Variants in COX7B2 observed in about 807,000 individuals in gnomAD.
The protein encoded by COX7B2 is cytochrome c oxidase subunit 7B2.
For missense variants in COX7B2, 109 were observed against 95.9 expected (o/e 1.14, Z -0.57); for synonymous variants, 37 against 32.1 (o/e 1.15, Z -0.51).
chr4:46,811,471 G>A (rs184305417), intron 2 of COX7B2, among the ~76,000 whole-genome samples: 3 of 151,726 alleles, frequency 2.0e-5, no homozygotes, highest in African/African-American at 7.2e-5. Context: ...GAATTATTTA[G>A]CTCCAAGAAT....
intron 2 of COX7B2, among the ~76,000 whole-genome samples, chr4:46,771,359 T>C (rs985743312): frequency 1.3e-5 from 2 of 151,996 alleles, no homozygotes; most frequent in African/African-American, 2.4e-5. Flanking sequence ...TTGGGCATGG[T>C]TGGTGGACAT....
At chr4:46,842,991 T>C (rs1294828474) in intron 2 of COX7B2, among the ~76,000 whole-genome samples, 2 of 152,102 alleles carry the variant, frequency 1.3e-5, no homozygotes, top group African/African-American at 4.8e-5. Flanking sequence ...ATTTCCACAA[T>C]GGTTGAACTA....
intron 1 of COX7B2, among the ~76,000 whole-genome samples, chr4:46,852,318 T>C (rs1251333354): frequency 2.6e-5 from 4 of 152,096 alleles, no homozygotes; most frequent in African/African-American, 4.8e-5. Context: ...CAAACCACTT[T>C]TTTCTTTTCT....
intron 2 of COX7B2, among the ~76,000 whole-genome samples, chr4:46,758,266 A>T (rs1045559153): frequency 1.4e-5 from 1 of 69,038 alleles, no homozygotes; most frequent in African/African-American, 4.6e-5. Flanking sequence ...CTTTCTAATG[A>T]GGTATAGAGC....
intron 2 of COX7B2, among the ~76,000 whole-genome samples, chr4:46,790,666 T>A (rs1717993205): frequency 6.6e-6 from 1 of 152,170 alleles, no homozygotes; most frequent in Non-Finnish European, 1.5e-5. Context: ...TGGGTCCCCA[T>A]ATCCACCTGG....
At chr4:46,884,925 A>G (rs1213962147) in intron 1 of COX7B2, among the ~76,000 whole-genome samples, 2 of 151,254 alleles carry the variant, frequency 1.3e-5, no homozygotes, top group Non-Finnish European at 2.9e-5. Flanking sequence ...TGGGGACTGT[A>G]ATATTTTTGT....
At chr4:46,881,068 C>T (rs1303538010) in intron 1 of COX7B2, among the ~76,000 whole-genome samples, 4 of 147,244 alleles carry the variant, frequency 2.7e-5, no homozygotes, top group Non-Finnish European at 6.0e-5. Context: ...TTCTTCAATT[C>T]AGCTCTAATT....
intron 2 of COX7B2, among the ~76,000 whole-genome samples, chr4:46,832,153 C>G (rs537895798): frequency 1.3e-5 from 2 of 152,102 alleles, no homozygotes; most frequent in African/African-American, 4.8e-5. Flanking sequence ...TTTGTTCTTT[C>G]GCTCTTTGCT....
intron 2 of COX7B2, among the ~76,000 whole-genome samples, chr4:46,818,348 T>C (rs1040913916): frequency 5.3e-5 from 8 of 152,108 alleles, no homozygotes; most frequent in African/African-American, 9.7e-5. Context: ...AACAGACTAC[T>C]GGAAGCCGGG....
chr4:46,823,128 A>G (rs1714420641), intron 2 of COX7B2, among the ~76,000 whole-genome samples: 1 of 152,122 alleles, frequency 6.6e-6, no homozygotes, highest in African/African-American at 2.4e-5. Context: ...CCACCACAAG[A>G]TAACTAGGAA....
chr4:46,800,729 G>A (rs375217923), intron 2 of COX7B2, among the ~76,000 whole-genome samples: 3 of 152,022 alleles, frequency 2.0e-5, no homozygotes, highest in African/African-American at 7.3e-5. Context: ...AAAAGCAATT[G>A]CAACAAAAAT....
At position 46,792,889 on chromosome 4, in the gene COX7B2, C is replaced by T. The variant is rs115562575; in HGVS notation, c.-50+52071G>A. The stretch of plus-strand genomic sequence containing the variant: ...AATGGCTCTATTTCCAGTAATAGAG[C>T]ACTGACAGTCCATGGCATAATCTGG... On this transcript the variant is annotated intron_variant, in intron 2 of 2. Transcript: ENST00000355591. Among the ~76,000 whole-genome samples the T allele has an allele frequency of 8.1e-3, 1,233 of 152,234 alleles. 7 individuals are homozygous for T. The highest frequency in any genetic ancestry group is 0.013 in the Non-Finnish European group (883 of 68,026).
intron 2 of COX7B2, among the ~76,000 whole-genome samples, chr4:46,797,279 A>G (rs1244724932): frequency 1.3e-5 from 2 of 151,992 alleles, no homozygotes; most frequent in African/African-American, 2.4e-5. Flanking sequence ...TTTGGGAACT[A>G]CTGGACCCTG....
chr4:46,797,063 G>GCAC (rs1366046506), intron 2 of COX7B2, among the ~76,000 whole-genome samples: 1 of 89,278 alleles, frequency 1.1e-5, no homozygotes, highest in Non-Finnish European at 1.9e-5. Flanking sequence ...TGCACAATGT[G>GCAC]CACATGTACC....
chr4:46,759,634 A>G (rs1716011450), intron 2 of COX7B2, among the ~76,000 whole-genome samples: 1 of 152,060 alleles, frequency 6.6e-6, no homozygotes, highest in Non-Finnish European at 1.5e-5. Context: ...TGCAAATCAA[A>G]ACCACAATGA....
intron 1 of COX7B2, among the ~76,000 whole-genome samples, chr4:46,872,492 A>ATG (rs1718054850): frequency 6.6e-6 from 1 of 152,178 alleles, no homozygotes; most frequent in African/African-American, 2.4e-5. Flanking sequence ...AAATAAATAG[A>ATG]TAAATACAAC....
At chr4:46,844,843 T>A (rs1471858856) in intron 2 of COX7B2, 117 bp downstream of exon 2, 1 of 152,070 alleles carries the variant, frequency 6.6e-6, no homozygotes, top group Admixed American at 6.6e-5. Context: ...TACAATTTTT[T>A]AAAAATGAAT....
intron 2 of COX7B2, among the ~76,000 whole-genome samples, chr4:46,818,732 T>C (rs1284184552): frequency 6.6e-6 from 1 of 152,152 alleles, no homozygotes; most frequent in African/African-American, 2.4e-5. Flanking sequence ...AATTTTGTCA[T>C]TATTATGGTC....
intron 1 of COX7B2, among the ~76,000 whole-genome samples, chr4:46,847,810 A>C (rs1276796296): frequency 2.0e-5 from 3 of 152,042 alleles, no homozygotes; most frequent in African/African-American, 4.8e-5. Context: ...CAAAAATGCA[A>C]GGGAAAATTG....
Sources: allele counts gnomAD v4.1 joint callset (sites outside exome capture counted in the v4.1 genomes callset), GRCh38; gene constraint gnomAD v4.1.1; transcripts MANE v1.5; gene names NCBI Gene and HGNC (gene_info 2026-07-23, HGNC 2026-07-21).